ACYP2: variants seen among roughly 807,000 people sequenced by gnomAD.
ACYP2 encodes the protein acylphosphatase 2, also known as acylphosphatase-2.
ACYP2 carries 12 observed loss-of-function variants against 11.2 expected under a neutral mutation model. The observed-to-expected ratio is 1.08, with a 90% CI of 0.69 to 1.74. The LOEUF (loss-of-function observed/expected upper bound fraction) is 1.74. Ranked by LOEUF, ACYP2 falls within the 40% of genes most tolerant of loss-of-function variation. ACYP2 has a pLI of 0.00. For synonymous variants in ACYP2, 43 were observed against 32.2 expected (o/e 1.33, Z -1.13); for missense variants, 134 against 101.9 (o/e 1.31, Z -1.35).
chr2:54,096,304 C>G (rs867051494), intron 4 of ACYP2, among the ~76,000 whole-genome samples: 26 of 141,644 alleles, frequency 1.8e-4, no homozygotes, highest in African/African-American at 6.7e-4. Context: ...TCCTCACTTC[C>G]TAGATGGGAT....
intron 6 of ACYP2, chr2:54,254,755 A>T: frequency 1.5e-6 from 1 of 654,506 alleles, no homozygotes; most frequent in East Asian, 2.7e-5. Context: ...CAGCACAGCC[A>T]CCAAGGTCTC....
intron 6 of ACYP2, among the ~76,000 whole-genome samples, chr2:54,272,207 A>G (rs843740): frequency 0.46 from 70,507 of 151,866 alleles, 16,971 homozygotes; most frequent in Admixed American, 0.58. Context: ...CAGGCTGCCC[A>G]TGTTAGGCCC....
chr2:54,107,026 AT>A (rs1473080829), intron 4 of ACYP2, among the ~76,000 whole-genome samples: 1 of 152,166 alleles, frequency 6.6e-6, no homozygotes, highest in Non-Finnish European at 1.5e-5. Flanking sequence ...ACCTAAAAGT[AT>A]TTTAGAAGTG....
At chr2:54,265,945 C>G (rs955723271) in intron 6 of ACYP2, among the ~76,000 whole-genome samples, 15 of 151,996 alleles carry the variant, frequency 9.9e-5, no homozygotes, top group African/African-American at 3.4e-4. Flanking sequence ...TAGAGAATAC[C>G]CCTTCTTTTC....
At chr2:54,273,589 C>A (rs968249558) in intron 6 of ACYP2, among the ~76,000 whole-genome samples, 2 of 152,116 alleles carry the variant, frequency 1.3e-5, no homozygotes, top group African/African-American at 4.8e-5. Context: ...CTCAGCCTCC[C>A]GATTAGCTAA....
At chr2:54,022,838 C>A (rs538098122) in intron 2 of ACYP2, among the ~76,000 whole-genome samples, 2 of 152,282 alleles carry the variant, frequency 1.3e-5, no homozygotes, top group African/African-American at 4.8e-5. Flanking sequence ...CAAGAGGAAT[C>A]CGAATGGACA....
chr2:54,019,721 G>A (rs1673902044), intron 2 of ACYP2, among the ~76,000 whole-genome samples: 1 of 152,102 alleles, frequency 6.6e-6, no homozygotes, highest in Non-Finnish European at 1.5e-5. Flanking sequence ...CCGGGTTCAA[G>A]CGATTCTCCT....
intron 2 of ACYP2, among the ~76,000 whole-genome samples, chr2:54,025,990 G>A (rs1013317016): frequency 1.3e-5 from 2 of 152,232 alleles, no homozygotes; most frequent in Admixed American, 6.5e-5. Flanking sequence ...GATGGCAGGC[G>A]CCTGTAGTCC....
At chr2:54,140,628 A>G (rs1444578580) in intron 6 of ACYP2, among the ~76,000 whole-genome samples, 2 of 152,114 alleles carry the variant, frequency 1.3e-5, no homozygotes, top group African/African-American at 2.4e-5. Flanking sequence ...CCTTCTCTGC[A>G]TCTTACTTTA....
chr2:54,135,556 C>A, intron 5 of ACYP2, 87 bp downstream of exon 2: 1 of 1,123,026 alleles, frequency 8.9e-7, no homozygotes, highest in Non-Finnish European at 1.3e-6. Flanking sequence ...CTACTTGGCG[C>A]TAGTCTACTG....
chr2:54,193,296 C>G (rs1285877839), intron 6 of ACYP2, among the ~76,000 whole-genome samples: 1 of 152,166 alleles, frequency 6.6e-6, no homozygotes, highest in African/African-American at 2.4e-5. Context: ...TCTGTTACCA[C>G]ATTAATATCT....
chr2:54,056,357 G>A (rs1373519917), intron 3 of ACYP2, among the ~76,000 whole-genome samples: 3 of 152,192 alleles, frequency 2.0e-5, no homozygotes, highest in South Asian at 2.1e-4. Context: ...AAAATCATAT[G>A]TTCTTTCCAC....
intron 6 of ACYP2, among the ~76,000 whole-genome samples, chr2:54,150,397 C>G (rs1377824749): frequency 2.0e-5 from 3 of 152,178 alleles, no homozygotes; most frequent in Non-Finnish European, 2.9e-5. Context: ...TCCTGTCCAG[C>G]TAAGATTCTG....
intron 2 of ACYP2, among the ~76,000 whole-genome samples, chr2:53,989,984 T>TTC (rs201813748): frequency 0.038 from 5,432 of 144,748 alleles, 111 homozygotes; most frequent in Non-Finnish European, 0.054. Context: ...TTCTTTTCTT[T>TTC]TTTTTTTTTT....
chr2:54,152,388 T>G (rs2103812267), intron 6 of ACYP2, among the ~76,000 whole-genome samples: 1 of 152,212 alleles, frequency 6.6e-6, no homozygotes, highest in East Asian at 1.9e-4. Flanking sequence ...CTTCCCAAAG[T>G]GCTGGGATTA....
chr2:54,250,469 G>A (rs1687172448), intron 6 of ACYP2, among the ~76,000 whole-genome samples: 1 of 149,576 alleles, frequency 6.7e-6, no homozygotes, highest in African/African-American at 2.5e-5. Context: ...CAGGGCAGGT[G>A]GGTGGGGTGG....
chr2:54,046,167 C>CAAAA (rs36114622), intron 2 of ACYP2, among the ~76,000 whole-genome samples: 4 of 55,844 alleles, frequency 7.2e-5, no homozygotes, highest in Admixed American at 2.4e-4. Context: ...CAGACCCTGT[C>CAAAA]AAAAAAAAAA....
intron 6 of ACYP2, among the ~76,000 whole-genome samples, chr2:54,202,064 A>G (rs1455225231): frequency 1.3e-5 from 2 of 150,924 alleles, no homozygotes; most frequent in African/African-American, 4.9e-5. Flanking sequence ...TATTCGATTC[A>G]TCTTGAGTTA....
intron 2 of ACYP2, chr2:53,973,907 ATT>A (rs1205008152): frequency 1.0e-3 from 41 of 41,200 alleles, no homozygotes; most frequent in African/African-American, 1.5e-3. Flanking sequence ...GTGTGTATAT[ATT>A]TTTTTTTTTT....
Sources: allele counts gnomAD v4.1 joint callset (sites outside exome capture counted in the v4.1 genomes callset), GRCh38; gene constraint gnomAD v4.1.1; transcripts MANE v1.5; gene names NCBI Gene and HGNC (gene_info 2026-07-23, HGNC 2026-07-21).